The following CSMD1 variants were observed in gnomAD, a reference collection of about 807,000 sequenced individuals.
The protein encoded by CSMD1 is CUB and Sushi multiple domains 1.
Under a neutral mutation model 417.5 loss-of-function variants are expected in CSMD1, and 213 were observed. That is an observed-to-expected ratio of 0.51 (90% CI 0.46 to 0.57). The LOEUF (loss-of-function observed/expected upper bound fraction) is 0.57. Ranked by LOEUF, CSMD1 falls within the 20% of genes least tolerant of loss-of-function variation. The pLI, the probability that CSMD1 is intolerant of heterozygous loss-of-function variation, is 0.00. For missense variants in CSMD1, 6,923 were observed against 4,529.7 expected (o/e 1.53, Z -15.17); for synonymous variants, 2,862 against 1,736.8 (o/e 1.65, Z -16.11).
chr8:3,185,443 C>A (rs1279117657), intron 36 of CSMD1, among the ~76,000 whole-genome samples: 1 of 152,158 alleles, frequency 6.6e-6, no homozygotes, highest in Non-Finnish European at 1.5e-5. Context: ...TTGCCGTCTC[C>A]TGCTTTCTGC....
chr8:4,468,786 T>G (rs1275695043), intron 2 of CSMD1, among the ~76,000 whole-genome samples: 6 of 152,218 alleles, frequency 3.9e-5, no homozygotes, highest in Non-Finnish European at 7.3e-5. Flanking sequence ...CCTGTGTTTT[T>G]CATATAATGG....
At chr8:3,265,743 C>G (rs1233341204) in intron 26 of CSMD1, among the ~76,000 whole-genome samples, 1 of 152,104 alleles carries the variant, frequency 6.6e-6, no homozygotes, top group South Asian at 2.1e-4. Flanking sequence ...TTTACCTTTC[C>G]TTCTGCCAGC....
chr8:3,522,583 T>C (rs1027796892), intron 10 of CSMD1, among the ~76,000 whole-genome samples: 2 of 152,000 alleles, frequency 1.3e-5, no homozygotes, highest in East Asian at 1.9e-4. Flanking sequence ...ATGGGAACAC[T>C]ACTCATGTTT....
chr8:4,584,276 C>G (rs374645547), intron 2 of CSMD1, among the ~76,000 whole-genome samples: 1 of 152,002 alleles, frequency 6.6e-6, no homozygotes, highest in Admixed American at 6.5e-5. Flanking sequence ...CACCTATCGC[C>G]AAGCAGTGAG....
intron 46 of CSMD1, among the ~76,000 whole-genome samples, chr8:3,101,589 AT>A (rs1324932352): frequency 1.1e-3 from 158 of 150,290 alleles, no homozygotes; most frequent in Non-Finnish European, 1.7e-3. Context: ...TGCCTGGCTA[AT>A]TTTTTTTTGT....
At chr8:4,785,875 G>C (rs564856421) in intron 1 of CSMD1, among the ~76,000 whole-genome samples, 20 of 152,196 alleles carry the variant, frequency 1.3e-4, no homozygotes, top group Admixed American at 1.3e-3. Flanking sequence ...AGACACAACG[G>C]GGCCTGGATT....
intron 31 of CSMD1, among the ~76,000 whole-genome samples, chr8:3,202,577 C>T (rs558344359): frequency 6.6e-6 from 1 of 152,180 alleles, no homozygotes; most frequent in Non-Finnish European, 1.5e-5. Context: ...TATATACTTA[C>T]AAGCAATGAA....
intron 41 of CSMD1, among the ~76,000 whole-genome samples, chr8:3,137,943 G>A (rs1401728131): frequency 2.6e-5 from 4 of 152,264 alleles, no homozygotes; most frequent in Admixed American, 6.5e-5. Context: ...ACAATATCCC[G>A]GCTGGGCGCA....
intron 3 of CSMD1, among the ~76,000 whole-genome samples, chr8:4,122,991 G>C (rs546803597): frequency 1.3e-5 from 2 of 152,194 alleles, no homozygotes; most frequent in Non-Finnish European, 2.9e-5. Flanking sequence ...TGGCAAAGAC[G>C]TGCCACTGAG....
intron 2 of CSMD1, among the ~76,000 whole-genome samples, chr8:4,480,068 T>A (rs1196479649): frequency 6.6e-6 from 1 of 151,892 alleles, no homozygotes; most frequent in Non-Finnish European, 1.5e-5. Context: ...TGAGTTCTGT[T>A]AGAGAAGTTT....
chr8:3,061,737 T>C (rs1812601366), intron 49 of CSMD1, among the ~76,000 whole-genome samples: 1 of 152,236 alleles, frequency 6.6e-6, no homozygotes, highest in African/African-American at 2.4e-5. Context: ...CAGTATAATA[T>C]CTGACATCAT....
chr8:3,230,011 T>C, intron 27 of CSMD1, 29 bp downstream of exon 27: 1 of 1,459,444 alleles, frequency 6.9e-7, no homozygotes. Context: ...TTCCTGAATA[T>C]AAAATTTCTA....
intron 25 of CSMD1, among the ~76,000 whole-genome samples, chr8:3,298,786 A>T (rs1022716898): frequency 6.6e-6 from 1 of 152,152 alleles, no homozygotes; most frequent in African/African-American, 2.4e-5. Flanking sequence ...AATTTGGCAA[A>T]ACTCTTCTGA....
chr8:3,751,824 A>C (rs1797358210), intron 6 of CSMD1, among the ~76,000 whole-genome samples: 1 of 152,178 alleles, frequency 6.6e-6, no homozygotes, highest in Admixed American at 6.5e-5. Flanking sequence ...AAACGCTTAG[A>C]AATTTTTCTT....
chr8:4,036,496 T>G (rs1163518325), intron 3 of CSMD1, among the ~76,000 whole-genome samples: 1 of 152,220 alleles, frequency 6.6e-6, no homozygotes, highest in Non-Finnish European at 1.5e-5. Flanking sequence ...AACACCCATC[T>G]CTTCAAACTT....
chr8:4,294,864 G>C (rs566142276), intron 3 of CSMD1, among the ~76,000 whole-genome samples: 29 of 151,788 alleles, frequency 1.9e-4, no homozygotes, highest in Middle Eastern at 3.4e-3. Flanking sequence ...AGAAAACTTT[G>C]TCTTTGCCCT....
intron 26 of CSMD1, among the ~76,000 whole-genome samples, chr8:3,273,569 T>C (rs527695978): frequency 6.6e-5 from 10 of 152,356 alleles, no homozygotes; most frequent in South Asian, 2.1e-4. Flanking sequence ...TCCTGCACTC[T>C]TTTTCGTTGG....
At chr8:3,916,323 A>T (rs914955290) in intron 5 of CSMD1, among the ~76,000 whole-genome samples, 54 of 152,170 alleles carry the variant, frequency 3.5e-4, no homozygotes, top group African/African-American at 1.3e-3. Context: ...ACTACGCCGG[A>T]TATTTATATA....
intron 2 of CSMD1, among the ~76,000 whole-genome samples, chr8:4,431,933 T>A (rs898727301): frequency 1.2e-4 from 19 of 152,186 alleles, no homozygotes; most frequent in African/African-American, 4.3e-4. Context: ...GGGAATTACT[T>A]CAAATAAACA....
Sources: gnomAD v4.1 joint callset for allele counts (sites outside exome capture counted in the v4.1 genomes callset) on GRCh38, gnomAD v4.1.1 for gene constraint, MANE v1.5 for transcripts, NCBI Gene and HGNC (gene_info 2026-07-23, HGNC 2026-07-21) for gene names.